The following NBAS variants were observed in gnomAD, a reference collection of about 807,000 sequenced individuals.
The protein encoded by NBAS is NAG/BC035112 fusion.
NBAS carries 219 observed loss-of-function variants against 302.5 expected under a neutral mutation model. The ratio of observed to expected loss-of-function variants is 0.72; its 90% CI spans 0.65 to 0.81. The LOEUF (loss-of-function observed/expected upper bound fraction) is 0.81, where lower values mean the gene tolerates loss of function less well. NBAS is among the 30% of genes least tolerant of loss of function. The pLI, the probability that NBAS is intolerant of heterozygous loss-of-function variation, is 0.00. For missense variants in NBAS, 2,932 were observed against 2,841.6 expected (o/e 1.03, Z -0.72); for synonymous variants, 1,118 against 1,021.6 (o/e 1.09, Z -1.80).
chr2:15,529,655 T>C (rs984539785), intron 9 of NBAS, among the ~76,000 whole-genome samples: 11 of 152,270 alleles, frequency 7.2e-5, no homozygotes, highest in Admixed American at 6.5e-4. Context: ...CAGAGTGCCA[T>C]GGGTACTGTA....
the NBAS span, among the ~76,000 whole-genome samples, chr2:14,800,493 T>C: frequency 1.3e-5 from 2 of 152,232 alleles, no homozygotes; most frequent in Non-Finnish European, 2.9e-5. Context: ...GGTATGTCTT[T>C]ATCAGCAGTG....
intron 38 of NBAS, among the ~76,000 whole-genome samples, chr2:15,322,614 C>G (rs1671864282): frequency 6.6e-6 from 1 of 152,098 alleles, no homozygotes. Context: ...TCTTTAGTCT[C>G]CATAAACATC....
chr2:14,994,295 T>C, the NBAS span, among the ~76,000 whole-genome samples: 3 of 152,114 alleles, frequency 2.0e-5, no homozygotes, highest in African/African-American at 4.8e-5. Context: ...GCTTCAACCA[T>C]TGAGAGATGG....
At chr2:14,957,309 G>GTGTGTGTGTGTGTA in the NBAS span, among the ~76,000 whole-genome samples, 4 of 144,524 alleles carry the variant, frequency 2.8e-5, no homozygotes, top group African/African-American at 1.0e-4. Flanking sequence ...GTGTGTGTGT[G>GTGTGTGTGTGTGTA]TAAAGTCCTG....
the NBAS span, among the ~76,000 whole-genome samples, chr2:14,907,352 A>T: frequency 6.6e-6 from 1 of 152,250 alleles, no homozygotes; most frequent in African/African-American, 2.4e-5. Context: ...TGAAGGAAGC[A>T]CATCTTCACA....
At chr2:14,881,271 A>G in the NBAS span, among the ~76,000 whole-genome samples, 1 of 152,226 alleles carries the variant, frequency 6.6e-6, no homozygotes, top group Non-Finnish European at 1.5e-5. Flanking sequence ...AAAATCAAAT[A>G]CCACATGTTC....
intron 42 of NBAS, 70 bp downstream of exon 42, chr2:15,287,003 T>C: frequency 7.8e-7 from 1 of 1,274,124 alleles, no homozygotes; most frequent in South Asian, 1.2e-5. Flanking sequence ...TACAACTTCT[T>C]CAAGAGTCTT....
At chr2:15,138,860 G>T in the NBAS span, among the ~76,000 whole-genome samples, 4 of 152,190 alleles carry the variant, frequency 2.6e-5, no homozygotes, top group African/African-American at 9.7e-5. Context: ...AGACACATTT[G>T]TGAGCTCAGT....
intron 35 of NBAS, among the ~76,000 whole-genome samples, chr2:15,339,002 C>A (rs2148261149): frequency 6.6e-6 from 1 of 152,150 alleles, no homozygotes; most frequent in East Asian, 1.9e-4. Flanking sequence ...GTGACACAGC[C>A]AAACCCTGTC....
chr2:15,475,108 T>C (rs1445665876), intron 14 of NBAS, among the ~76,000 whole-genome samples: 1 of 152,230 alleles, frequency 6.6e-6, no homozygotes, highest in African/African-American at 2.4e-5. Flanking sequence ...AGAGCTGGCT[T>C]AGATTTTAAG....
chr2:15,496,097 TACACAC>T (rs61047968), intron 11 of NBAS, among the ~76,000 whole-genome samples: 1,552 of 144,046 alleles, frequency 0.011, 26 homozygotes, highest in East Asian at 0.061. Flanking sequence ...CATATACAGA[TACACAC>T]ACACACACAC....
the NBAS span, among the ~76,000 whole-genome samples, chr2:15,028,758 T>G: frequency 8.5e-5 from 13 of 152,232 alleles, no homozygotes; most frequent in African/African-American, 3.1e-4. Context: ...CATTCCAGTA[T>G]CAGACTAAGG....
At chr2:15,278,370 C>T (rs551391534) in intron 42 of NBAS, among the ~76,000 whole-genome samples, 6 of 152,334 alleles carry the variant, frequency 3.9e-5, no homozygotes, top group African/African-American at 1.4e-4. Flanking sequence ...ATTTCTCTCA[C>T]TGCCTCCTCT....
chr2:14,966,030 C>T, the NBAS span, among the ~76,000 whole-genome samples: 1 of 152,264 alleles, frequency 6.6e-6, no homozygotes, highest in Middle Eastern at 3.4e-3. Context: ...ACAAGAAGGA[C>T]AGCAAGTGGC....
chr2:15,413,296 G>C (rs2148454281), intron 25 of NBAS, among the ~76,000 whole-genome samples: 3 of 152,174 alleles, frequency 2.0e-5, no homozygotes, highest in Middle Eastern at 6.8e-3. Context: ...GCTGACATTT[G>C]CTCTCTACTA....
At chr2:15,147,086 A>G in the NBAS span, among the ~76,000 whole-genome samples, 1 of 152,150 alleles carries the variant, frequency 6.6e-6, no homozygotes, top group East Asian at 1.9e-4. Context: ...TCTAAAAAGC[A>G]GTTGCATGCT....
chr2:15,298,366 C>G (rs1008172789), intron 40 of NBAS, among the ~76,000 whole-genome samples: 2 of 152,154 alleles, frequency 1.3e-5, no homozygotes, highest in Non-Finnish European at 2.9e-5. Context: ...CAATTTCTCA[C>G]AAAAGCTTCT....
At chr2:14,908,572 C>G in the NBAS span, among the ~76,000 whole-genome samples, 2 of 152,168 alleles carry the variant, frequency 1.3e-5, no homozygotes, top group Non-Finnish European at 2.9e-5. Context: ...GGCATCCCTG[C>G]ATAGGTCTTG....
At chr2:15,527,911 G>C (rs1663001346) in intron 9 of NBAS, among the ~76,000 whole-genome samples, 2 of 151,952 alleles carry the variant, frequency 1.3e-5, no homozygotes, top group African/African-American at 4.8e-5. Flanking sequence ...TCTCCCTATG[G>C]AATCAACATT....
Sources: gnomAD v4.1 joint callset for allele counts (sites outside exome capture counted in the v4.1 genomes callset) on GRCh38, gnomAD v4.1.1 for gene constraint, MANE v1.5 for transcripts, NCBI Gene and HGNC (gene_info 2026-07-23, HGNC 2026-07-21) for gene names.